Variants in ELP4 observed in about 807,000 individuals in gnomAD.
ELP4 encodes the protein elongator acetyltransferase complex subunit 4, also known as elongator complex protein 4.
ELP4 carries 51 observed loss-of-function variants against 48.9 expected under a neutral mutation model. That is an observed-to-expected ratio of 1.04 (90% confidence interval 0.83 to 1.32). The LOEUF is 1.32. ELP4 is among the 40% of genes most tolerant of loss of function. The pLI is 0.00. For missense variants in ELP4, 519 were observed against 514.6 expected (o/e 1.01, Z -0.08); for synonymous variants, 210 against 189.2 (o/e 1.11, Z -0.90).
At chr11:31,554,926 T>G (rs2133933657) in intron 3 of ELP4, among the ~76,000 whole-genome samples, 2 of 152,352 alleles carry the variant, frequency 1.3e-5, no homozygotes, top group East Asian at 3.9e-4. Flanking sequence ...TTTCAGATTT[T>G]ATATTCAATA....
intron 9 of ELP4, among the ~76,000 whole-genome samples, chr11:31,695,472 G>A (rs1216254619): frequency 2.0e-5 from 3 of 151,642 alleles, no homozygotes; most frequent in Non-Finnish European, 2.9e-5. Context: ...ATTGATTCGC[G>A]TATGTTGAAC....
chr11:31,725,147 G>A (rs1233337309), intron 9 of ELP4, among the ~76,000 whole-genome samples: 1 of 152,100 alleles, frequency 6.6e-6, no homozygotes, highest in Non-Finnish European at 1.5e-5. Context: ...TCTGAGGCAG[G>A]AATCCAAATG....
chr11:31,734,997 G>A (rs564347319), intron 9 of ELP4, among the ~76,000 whole-genome samples: 2 of 152,128 alleles, frequency 1.3e-5, no homozygotes, highest in African/African-American at 4.8e-5. Flanking sequence ...TATAATACTG[G>A]CATAAAGACA....
intron 7 of ELP4, among the ~76,000 whole-genome samples, chr11:31,643,399 A>G (rs1945139166): frequency 6.6e-6 from 1 of 151,840 alleles, no homozygotes; most frequent in African/African-American, 2.4e-5. Context: ...CTTCTTGATA[A>G]TTAAGTTATT....
intron 9 of ELP4, among the ~76,000 whole-genome samples, chr11:31,739,899 C>T (rs1947408339): frequency 6.6e-6 from 1 of 152,164 alleles, no homozygotes; most frequent in South Asian, 2.1e-4. Context: ...AATATTTACT[C>T]ATAGAGTCCC....
rs543380881 is a variant in ELP4 at position 31,752,827 on chromosome 11, C to T, written c.1144-30566C>T. 2.7e-3 allele frequency among the ~76,000 whole-genome samples: 349 copies of T among 130,540 alleles called. 2 individuals carry two copies. The Middle Eastern group carries it at 0.047, about 18-fold the overall frequency. The allele number at this position is 130,540 out of a possible 152,430, so 85.6% of individuals were successfully genotyped here. A position where few individuals can be genotyped will look rare whatever the true frequency, so the allele number is the denominator to read the frequency against. ...CCAGCCTGGACGACAGAGTGAGACT[C>T]CATCTCAAAAAAAAAAAAAAAAAAA... is the stretch of plus-strand genomic sequence containing the variant. On this transcript the variant is annotated intron_variant, in intron 9 of 9. Transcript: ENST00000640961.
intron 9 of ELP4, chr11:31,652,933 TGTTAA>T (rs1945353024): frequency 1.3e-5 from 2 of 151,726 alleles, no homozygotes; most frequent in South Asian, 4.1e-4. Flanking sequence ...TTTTTTAATT[TGTTAA>T]GTCATTGCCC....
chr11:31,789,917 T>TC lies in ELP4; in HGVS notation c.*6393_*6394insC. 1 of 1,314,040 alleles carries TC rather than the reference T, an allele frequency of 7.6e-7. No individual in the cohort carries two copies. Among genetic ancestry groups the TC allele is most frequent in the Non-Finnish European group, 1.0e-6 (1 of 978,872 alleles). 81.4% of individuals were successfully genotyped at this position (1,314,040 alleles called of 1,614,324 possible). On this transcript the variant is annotated 3_prime_UTR_variant, in exon 10 of 10. Coordinates refer to ENST00000640961, the MANE Select transcript of ELP4 (RefSeq NM_019040.5). ...TTAACACAATATTTCCTTTCCTTTT[T>TC]TTTTTTTTTTTTTTTTTTACTGTAA...
At chr11:31,584,968 C>G (rs1207892225) in intron 3 of ELP4, among the ~76,000 whole-genome samples, 1 of 152,150 alleles carries the variant, frequency 6.6e-6, no homozygotes, top group Non-Finnish European at 1.5e-5. Flanking sequence ...TTCCTCTACT[C>G]TTCACATTCA....
intron 4 of ELP4, chr11:31,598,885 ATTAT>A (rs1261183879): frequency 6.6e-6 from 1 of 151,964 alleles, no homozygotes; most frequent in Non-Finnish European, 1.5e-5. Context: ...ACTTGTCCAG[ATTAT>A]TTATTTTTTC....
intron 3 of ELP4, among the ~76,000 whole-genome samples, chr11:31,549,567 A>C (rs1956802158): frequency 6.6e-6 from 1 of 151,898 alleles, no homozygotes; most frequent in African/African-American, 2.4e-5. Flanking sequence ...ACCATTGTGG[A>C]AGTCAGTGTG....
At chr11:31,561,118 T>C (rs1957018667) in intron 3 of ELP4, among the ~76,000 whole-genome samples, 1 of 152,168 alleles carries the variant, frequency 6.6e-6, no homozygotes, top group African/African-American at 2.4e-5. Flanking sequence ...GTATACATAA[T>C]ACACACACAC....
At chr11:31,646,077 C>T (rs1471288388) in intron 7 of ELP4, 1 of 151,670 alleles carries the variant, frequency 6.6e-6, no homozygotes, top group African/African-American at 2.4e-5. Flanking sequence ...ATGTTTATGG[C>T]CTCTGAAGCC....
At position 31,648,945 on chromosome 11, in the gene ELP4, AG is replaced by A. The variant is rs748324610; in HGVS notation, c.1036+1098del. ...CTTGATAGCTAAGCAAGCACATTCA[AG>A]GTTAAAATAAGAAACGTACAAATAA... is the stretch of plus-strand genomic sequence containing the variant. On this transcript the variant is annotated intron_variant, in intron 8 of 9. Transcript: ENST00000640961. The A allele has an allele frequency of 2.6e-4, 40 of 151,762 alleles. No homozygotes were observed. The Middle Eastern group carries it at 0.01, about 39-fold the overall frequency. The allele number at this position is 151,762 out of a possible 1,614,324, so 9.4% of individuals were successfully genotyped here.
chr11:31,651,984 A>G (rs1345121272), intron 9 of ELP4: 1 of 151,708 alleles, frequency 6.6e-6, no homozygotes, highest in Non-Finnish European at 1.5e-5. Context: ...AGGTTCTAAT[A>G]GTAACTACAC....
intron 9 of ELP4, among the ~76,000 whole-genome samples, chr11:31,683,050 T>G (rs1266334151): frequency 6.6e-6 from 1 of 152,160 alleles, no homozygotes; most frequent in African/African-American, 2.4e-5. Flanking sequence ...TTACATAAAT[T>G]TATTTACTTA....
In ELP4 at chr11:31,548,672, G is replaced by C. The variant is rs374662194; in HGVS notation, c.381+8889G>C. Among the ~76,000 whole-genome samples, 842 of 151,158 alleles carry C rather than the reference G, an allele frequency of 5.6e-3. 10 individuals carry two copies. Among genetic ancestry groups the C allele is most frequent in the African/African-American group, 0.019 (799 of 41,290 alleles). On this transcript the variant is annotated intron_variant, in intron 3 of 9. Transcript: ENST00000640961. The stretch of plus-strand genomic sequence containing the variant: ...TATGGAACCAAAAAAGAGCCCGCAT[G>C]GCCAAGTCAATCCTAAGCCAAAAGA...
At chr11:31,607,639 C>G (rs1001501725) in intron 5 of ELP4, among the ~76,000 whole-genome samples, 2 of 152,190 alleles carry the variant, frequency 1.3e-5, no homozygotes, top group African/African-American at 2.4e-5. Context: ...CACTTTCAAA[C>G]TATTGCACAG....
intron 9 of ELP4, among the ~76,000 whole-genome samples, chr11:31,691,295 A>G (rs1946275553): frequency 6.6e-6 from 1 of 152,124 alleles, no homozygotes. Context: ...GTTAACGGAC[A>G]CATTACTGTC....
Sources: gnomAD v4.1 joint callset for allele counts (sites outside exome capture counted in the v4.1 genomes callset) on GRCh38, gnomAD v4.1.1 for gene constraint, MANE v1.5 for transcripts, NCBI Gene and HGNC (gene_info 2026-07-23, HGNC 2026-07-21) for gene names.